PLXNB2: variants seen among roughly 807,000 people sequenced by gnomAD.
PLXNB2 encodes the protein plexin-B2.
Under a neutral mutation model 202.6 loss-of-function variants are expected in PLXNB2, and 85 were observed. That is an observed-to-expected ratio of 0.42 (90% CI 0.35 to 0.50). The LOEUF is 0.50. PLXNB2 is among the 20% of genes least tolerant of loss of function. The probability of loss-of-function intolerance (pLI) is 0.02; values close to 1 mark genes in which losing one functional copy is unlikely to be tolerated. For missense variants in PLXNB2, 2,063 were observed against 2,586.2 expected (o/e 0.80, Z 4.39); for synonymous variants, 1,239 against 1,137.6 (o/e 1.09, Z -1.79).
In PLXNB2 at chr22:50,284,189, G is replaced by T. The variant is rs372542578; in HGVS notation, c.2206C>A (p.Leu736Met). The T allele has an allele frequency of 6.2e-7, 1 of 1,612,640 alleles. No individual in the cohort carries two copies. The highest frequency in any genetic ancestry group is 8.5e-7 in the Non-Finnish European group (1 of 1,179,732). Reference protein sequence around the residue: ...PKLSHDANETLPLHLYVKSYG... With the variant: ...PKLSHDANETMPLHLYVKSYG... Reference sequence around the variant, plus strand: ...GACTTGACGTAGAGGTGCAGGGGCAGCGTCTCGTTGGCATCGTGGGACAGC... The same window carrying T: ...GACTTGACGTAGAGGTGCAGGGGCATCGTCTCGTTGGCATCGTGGGACAGC... The change falls in exon 13 of 37, where the codon CTG becomes ATG. Residue 736 changes from leucine (L) to methionine (M), a missense_variant. Leu to Met is a conservative substitution (Grantham distance 15). This residue lies in a region of PLXNB2 where 1,303 missense variants were observed against 1,476.8 expected (regional missense o/e 0.88). Coordinates refer to ENST00000359337, the MANE Select transcript of PLXNB2 (RefSeq NM_012401.4). The surrounding 1 kb of genome is among the most constrained non-coding windows in gnomAD (Gnocchi z 8.0).
rs1416300554 is a variant in PLXNB2, at chr22:50,288,858, G to T, written c.1265C>A (p.Pro422Gln). The change falls in exon 5 of 37, where the codon CCA becomes CAA. Residue 422 changes from proline to glutamine, a missense_variant. By Grantham distance (76) the Pro-to-Gln change is moderately conservative. This residue lies in a region of PLXNB2 where 1,303 missense variants were observed against 1,476.8 expected (regional missense o/e 0.88). Coordinates refer to ENST00000359337, the MANE Select transcript of PLXNB2 (RefSeq NM_012401.4). The surrounding 1 kb of genome is among the most constrained non-coding windows in gnomAD (Gnocchi z 5.0). Reference sequence around the variant, plus strand: ...GTCGTACTCTGAGGAGGTGCCATCTGGGGTGAGGTACACCTGTGTGCGCGA... The same window carrying T: ...GTCGTACTCTGAGGAGGTGCCATCTTGGGTGAGGTACACCTGTGTGCGCGA... The part of the protein sequence containing the change: ...DGRILKVYLT[P>Q]DGTSSEYDSI... 1.2e-6 allele frequency: 2 copies of T among 1,613,306 alleles called. No individual in the cohort carries two copies. Among genetic ancestry groups the T allele is most frequent in the Non-Finnish European group, 1.7e-6 (2 of 1,179,962 alleles).
At chr22:50,287,611 G>T (rs2066553305) in intron 7 of PLXNB2, 56 bp downstream of exon 7, 3 of 1,472,476 alleles carry the variant, frequency 2.0e-6, no homozygotes, top group Non-Finnish European at 9.1e-7. Context: ...GCATGGGGGA[G>T]CCCCCACCTG....
chr22:50,296,727 C>T (rs2067304721), intron 1 of PLXNB2, among the ~76,000 whole-genome samples: 1 of 152,144 alleles, frequency 6.6e-6, no homozygotes, highest in Non-Finnish European at 1.5e-5. Flanking sequence ...GAATCCTGCT[C>T]AGGCCCCAGA....
intron 2 of PLXNB2, 62 bp downstream of exon 2, chr22:50,294,657 C>T (rs138317891): frequency 2.5e-4 from 189 of 745,426 alleles, no homozygotes; most frequent in Non-Finnish European, 2.9e-4. Context: ...TTCTAGATAC[C>T]TCCGGCCTCC....
At chr22:50,278,822 CCT>C in intron 28 of PLXNB2, 31 bp downstream of exon 28, 1 of 1,603,370 alleles carries the variant, frequency 6.2e-7, no homozygotes, top group Non-Finnish European at 8.5e-7. Flanking sequence ...CACATGGGCG[CCT>C]GTGTGCAGAC....
intron 1 of PLXNB2, among the ~76,000 whole-genome samples, chr22:50,307,027 C>CA (rs202008906): frequency 0.02 from 3,099 of 152,254 alleles, 55 homozygotes; most frequent in South Asian, 0.034. Flanking sequence ...TCGGGGTGTC[C>CA]ACCCAGACGC....
intron 8 of PLXNB2, among the ~76,000 whole-genome samples, chr22:50,286,660 C>T (rs1259498501): frequency 2.0e-5 from 3 of 152,194 alleles, no homozygotes; most frequent in African/African-American, 7.2e-5. Context: ...TCCCTGCCCA[C>T]GTCACTGCGT....
In PLXNB2 at chr22:50,288,056, G is replaced by A. The variant is rs771094469; in HGVS notation, c.1381-19C>T. On this transcript the variant is annotated intron_variant, in intron 5 of 36. Coordinates refer to ENST00000359337, the MANE Select transcript of PLXNB2 (RefSeq NM_012401.4). The surrounding 1 kb of genome is among the most constrained non-coding windows in gnomAD (Gnocchi z 5.0). ...GGAACACCTAGGGCAGCGGGGCCGTGAGTGGGACCACAGCAGAGGCCGCAC... is the reference window on the plus strand; with the variant it reads ...GGAACACCTAGGGCAGCGGGGCCGTAAGTGGGACCACAGCAGAGGCCGCAC... 3 of 1,540,700 alleles carry A rather than the reference G, an allele frequency of 1.9e-6. No homozygotes were observed. The highest frequency in any genetic ancestry group is 1.2e-5 in the South Asian group (1 of 83,936).
chr22:50,279,829 G>A (rs2065863181), intron 26 of PLXNB2, 53 bp from the exon 27 acceptor site: 1 of 1,599,362 alleles, frequency 6.3e-7, no homozygotes, highest in African/African-American at 1.3e-5. Flanking sequence ...GGGCCTGGAA[G>A]GGGCCCCCGG....
chr22:50,289,113 C>T lies in PLXNB2; in HGVS notation c.1098G>A (p.Ser366=), dbSNP rs747063795. 115 of 1,582,786 alleles carry T rather than the reference C, an allele frequency of 7.3e-5. No individual in the cohort carries two copies. Among genetic ancestry groups the T allele is most frequent in the African/African-American group, 3.0e-4 (22 of 74,396 alleles). ...PGSSKSFPCG[S]EHLPYPLGSR... ...TGCCCAGCGGGTAGGGCAGGTGCTCCGAGCCACATGGGAAGCTCTTGCTGG... is the reference window on the plus strand; with the variant it reads ...TGCCCAGCGGGTAGGGCAGGTGCTCTGAGCCACATGGGAAGCTCTTGCTGG... The change falls in exon 4 of 37, where the codon TCG becomes TCA. Residue 366 remains serine (S), a synonymous_variant. Transcript: ENST00000359337. The surrounding 1 kb of genome is among the most constrained non-coding windows in gnomAD (Gnocchi z 8.0).
At chr22:50,277,065 G>A (rs1260916853) in intron 33 of PLXNB2, among the ~76,000 whole-genome samples, 159 bp from the exon 34 acceptor site, 1 of 152,168 alleles carries the variant, frequency 6.6e-6, no homozygotes, top group African/African-American at 2.4e-5. Flanking sequence ...CTAGCACTTT[G>A]GGAGGCTGAG....
Position 50,286,262 on chromosome 22 carries a change from G to A in PLXNB2, c.1788C>T (p.Leu596=), listed in dbSNP as rs749666744. ...GGAAGATGTTGCCTCGTCTAAGGAGGAGCTGGATGGTCACGGCCACGTGGT... is the reference window on the plus strand; with the variant it reads ...GGAAGATGTTGCCTCGTCTAAGGAGAAGCTGGATGGTCACGGCCACGTGGT... ...GQDHVAVTIQ[L]LLRRGNIFLT... Residue 596 remains leucine (L), a synonymous_variant, in exon 9 of 37, where the codon CTC becomes CTT. Coordinates refer to ENST00000359337, the MANE Select transcript of PLXNB2 (RefSeq NM_012401.4). 1 of 1,613,144 alleles carries A rather than the reference G, an allele frequency of 6.2e-7. No individual in the cohort carries two copies. The highest frequency in any genetic ancestry group is 8.5e-7 in the Non-Finnish European group (1 of 1,179,836).
At position 50,278,216 on chromosome 22, in the gene PLXNB2, G is replaced by A. The variant is rs778646635; in HGVS notation, c.4788C>T (p.Asp1596=). Residue 1596 remains aspartate, a synonymous_variant, in exon 31 of 37, where the codon GAC becomes GAT. Transcript: ENST00000359337. The part of the protein sequence containing the change: ...NRVWHLVRPT[D]EVDEGKSKRG... ...TCTTGGACTTGCCCTCGTCCACCTC[G>A]TCGGTCGGCCGCACCAGGTGCCACA... 18 of 1,609,532 alleles carry A rather than the reference G, an allele frequency of 1.1e-5. No individual in the cohort carries two copies. The Admixed American group carries it at 1.2e-4, about 10-fold the overall frequency.
intron 8 of PLXNB2, among the ~76,000 whole-genome samples, chr22:50,286,707 C>G (rs188122612): frequency 2.6e-5 from 4 of 152,194 alleles, no homozygotes; most frequent in Admixed American, 6.5e-5. Context: ...GACATGGGCG[C>G]GACGCCTGCC....
chr22:50,289,940 T>C lies in PLXNB2; in HGVS notation c.645A>G (p.Thr215=), dbSNP rs1429941341. The C allele has an allele frequency of 2.5e-6, 4 of 1,613,256 alleles. No homozygotes were observed. Among genetic ancestry groups the C allele is most frequent in the Non-Finnish European group, 1.7e-6 (2 of 1,180,012 alleles). Residue 215 remains threonine (T), a synonymous_variant, in exon 3 of 37, where the codon ACA becomes ACG. Transcript: ENST00000359337. The surrounding 1 kb of genome is among the most constrained non-coding windows in gnomAD (Gnocchi z 8.0). Reference sequence around the variant, plus strand: ...CCTCGAAGGCCGCCACGAACTGCTGTGTGTTGGTGGACAGGTAGCCGGCCT... The same window carrying C: ...CCTCGAAGGCCGCCACGAACTGCTGCGTGTTGGTGGACAGGTAGCCGGCCT... ...TYKAGYLSTN[T]QQFVAAFEDG...
In PLXNB2 at chr22:50,288,652, C is replaced by A; in HGVS notation, c.1380+91G>T. 1 of 1,541,758 alleles carries A rather than the reference C, an allele frequency of 6.5e-7. No homozygotes were observed. The highest frequency in any genetic ancestry group is 1.4e-5 in the African/African-American group (1 of 73,572). On this transcript the variant is annotated intron_variant, in intron 5 of 36. Transcript: ENST00000359337. The surrounding 1 kb of genome is among the most constrained non-coding windows in gnomAD (Gnocchi z 5.0). The stretch of plus-strand genomic sequence containing the variant: ...GCCCAGCTCTGCAGCACCCCATCCT[C>A]CTCTGGCCCCCAGGCCTGTCCTAAG...
intron 35 of PLXNB2, 39 bp downstream of exon 35, chr22:50,276,590 C>G (rs771230389): frequency 1.3e-6 from 2 of 1,503,582 alleles, no homozygotes; most frequent in South Asian, 1.1e-5. Flanking sequence ...GTAGTGGGAG[C>G]GGGGAGGGCT....
At chr22:50,279,152 C>A (rs959656870) in intron 27 of PLXNB2, 141 bp from the exon 28 acceptor site, 6 of 820,722 alleles carry the variant, frequency 7.3e-6, no homozygotes, top group African/African-American at 6.9e-5. Context: ...GGCTCCGAGC[C>A]CCCGAGGCTT....
At chr22:50,290,990 C>A (rs372545239) in intron 2 of PLXNB2, among the ~76,000 whole-genome samples, 1 of 152,284 alleles carries the variant, frequency 6.6e-6, no homozygotes, top group Admixed American at 6.5e-5. Flanking sequence ...GTGGTCGGGA[C>A]GCACCGGCCC....
Sources: allele counts gnomAD v4.1 joint callset (sites outside exome capture counted in the v4.1 genomes callset), GRCh38; gene constraint gnomAD v4.1.1; regional missense constraint gnomAD v4.1.1; non-coding constraint Gnocchi (gnomAD v3.1); transcripts MANE v1.5; gene names NCBI Gene and HGNC (gene_info 2026-07-23, HGNC 2026-07-21).